The following DLG2 variants were observed in gnomAD, a reference collection of about 807,000 sequenced individuals.
DLG2 encodes discs large MAGUK scaffold protein 2.
DLG2 carries 45 observed loss-of-function variants against 132.5 expected under a neutral mutation model. The ratio of observed to expected loss-of-function variants is 0.34; its 90% CI spans 0.27 to 0.44. DLG2 has a LOEUF of 0.44. Ranked by LOEUF, DLG2 falls within the 20% of genes least tolerant of loss-of-function variation. The pLI, the probability that DLG2 is intolerant of heterozygous loss-of-function variation, is 1.00. For missense variants in DLG2, 1,045 were observed against 1,196.9 expected, an observed-to-expected ratio of 0.87 and a Z score of 1.87; for synonymous variants, 424 against 419.6, an observed-to-expected ratio of 1.01 and a Z score of -0.13.
intron 6 of DLG2, among the ~76,000 whole-genome samples, chr11:84,593,464 T>TA (rs1481265083): frequency 1.3e-5 from 2 of 152,044 alleles, no homozygotes; most frequent in Admixed American, 6.6e-5. Context: ...TATGCAGCCA[T>TA]AAAAAAGGAT....
chr11:84,391,153 T>G (rs1488447027), intron 7 of DLG2, among the ~76,000 whole-genome samples: 1 of 152,176 alleles, frequency 6.6e-6, no homozygotes, highest in Non-Finnish European at 1.5e-5. Context: ...GAAACCCAAA[T>G]ACTCATCAGT....
At chr11:84,026,949 T>G (rs1017156913) in intron 11 of DLG2, among the ~76,000 whole-genome samples, 1 of 152,170 alleles carries the variant, frequency 6.6e-6, no homozygotes, top group African/African-American at 2.4e-5. Flanking sequence ...TTATTATTTC[T>G]ATTATATTCC....
chr11:84,277,182 C>A (rs753782796), intron 7 of DLG2, among the ~76,000 whole-genome samples: 1 of 152,118 alleles, frequency 6.6e-6, no homozygotes, highest in Non-Finnish European at 1.5e-5. Flanking sequence ...AATAGAAAAT[C>A]TGTAAAGATA....
chr11:84,080,714 G>C (rs1423703969), intron 10 of DLG2, among the ~76,000 whole-genome samples: 1 of 152,094 alleles, frequency 6.6e-6, no homozygotes, highest in Non-Finnish European at 1.5e-5. Context: ...GCTTTGGGCT[G>C]GGCACAGTGG....
chr11:84,647,082 CTA>C (rs2099675872), intron 6 of DLG2, among the ~76,000 whole-genome samples: 1 of 151,862 alleles, frequency 6.6e-6, no homozygotes, highest in African/African-American at 2.4e-5. Context: ...AATATATTAT[CTA>C]AATCTATTGG....
chr11:85,622,699 C>T (rs1026647408), intron 2 of DLG2, among the ~76,000 whole-genome samples: 1 of 151,256 alleles, frequency 6.6e-6, no homozygotes, highest in Non-Finnish European at 1.5e-5. Flanking sequence ...AATTTAAGAA[C>T]TGTGAGTCCA....
chr11:83,595,248 A>G (rs1212449868), intron 19 of DLG2, among the ~76,000 whole-genome samples: 1 of 152,196 alleles, frequency 6.6e-6, no homozygotes, highest in Non-Finnish European at 1.5e-5. Flanking sequence ...GGTTTCAACT[A>G]TTAATGAAGG....
chr11:84,617,336 A>G (rs181984532), intron 6 of DLG2, among the ~76,000 whole-genome samples: 1 of 152,310 alleles, frequency 6.6e-6, no homozygotes, highest in African/African-American at 2.4e-5. Context: ...ATGGCCACAT[A>G]GTATTCCACG....
intron 3 of DLG2, among the ~76,000 whole-genome samples, chr11:85,332,289 C>T (rs2081814742): frequency 6.6e-6 from 1 of 152,044 alleles, no homozygotes; most frequent in East Asian, 1.9e-4. Context: ...TGTTGATGTT[C>T]TTTGCCCATT....
At chr11:83,781,134 T>C (rs2094805436) in intron 18 of DLG2, among the ~76,000 whole-genome samples, 1 of 152,206 alleles carries the variant, frequency 6.6e-6, no homozygotes, top group South Asian at 2.1e-4. Context: ...ATTTCTTCCT[T>C]CAGATGCCTG....
At chr11:83,954,850 A>C (rs948515644) in intron 14 of DLG2, among the ~76,000 whole-genome samples, 4 of 152,190 alleles carry the variant, frequency 2.6e-5, no homozygotes, top group African/African-American at 9.6e-5. Flanking sequence ...TTAGATATTC[A>C]TTGTAGTCAT....
chr11:85,484,372 G>A (rs1342325555), intron 3 of DLG2, among the ~76,000 whole-genome samples: 1 of 151,032 alleles, frequency 6.6e-6, no homozygotes, highest in Non-Finnish European at 1.5e-5. Flanking sequence ...AAACTAAAGA[G>A]CTTCTGCACA....
intron 6 of DLG2, among the ~76,000 whole-genome samples, chr11:84,724,250 T>C (rs1016487550): frequency 6.6e-6 from 1 of 152,182 alleles, no homozygotes; most frequent in African/African-American, 2.4e-5. Flanking sequence ...CTTCCAATGT[T>C]GAAGTTCTCT....
At chr11:83,602,793 A>C (rs1228077012) in intron 19 of DLG2, among the ~76,000 whole-genome samples, 1 of 152,242 alleles carries the variant, frequency 6.6e-6, no homozygotes, top group African/African-American at 2.4e-5. Flanking sequence ...GGAAATGGTG[A>C]CAAGGATGTG....
intron 6 of DLG2, among the ~76,000 whole-genome samples, chr11:84,651,324 C>G (rs1021325052): frequency 8.5e-5 from 13 of 152,076 alleles, no homozygotes; most frequent in African/African-American, 3.1e-4. Flanking sequence ...CACTCCATAT[C>G]GTCTTAGAAA....
intron 7 of DLG2, among the ~76,000 whole-genome samples, chr11:84,523,346 C>T (rs1446628286): frequency 6.6e-6 from 1 of 152,110 alleles, no homozygotes; most frequent in African/African-American, 2.4e-5. Context: ...TACTAATAGA[C>T]ACAGCTAGAA....
At chr11:84,058,927 T>C (rs1439057125) in intron 11 of DLG2, among the ~76,000 whole-genome samples, 3 of 152,040 alleles carry the variant, frequency 2.0e-5, no homozygotes, top group Admixed American at 6.6e-5. Context: ...ATAATTGTTA[T>C]ATTAGTACAG....
chr11:83,776,105 T>TA lies in DLG2; in HGVS notation c.1825+10584dup, dbSNP rs34550507. On this transcript the variant is annotated intron_variant, in intron 18 of 27. Transcript: ENST00000376104. ...AGACTCTGTCTCAAAAATAAATAAA[T>TA]AAATAAAATAAATAAATAAATAAAG... 3.9e-3 allele frequency among the ~76,000 whole-genome samples: 580 copies of TA among 148,946 alleles called. 3 individuals carry two copies. Among genetic ancestry groups the TA allele is most frequent in the African/African-American group, 0.013 (506 of 40,254 alleles).
intron 10 of DLG2, among the ~76,000 whole-genome samples, chr11:84,067,006 C>A (rs965428936): frequency 3.9e-5 from 6 of 152,064 alleles, no homozygotes; most frequent in Non-Finnish European, 8.8e-5. Context: ...TTTTAAAAAA[C>A]CACTAGCTAA....
Sources: allele counts gnomAD v4.1 joint callset (sites outside exome capture counted in the v4.1 genomes callset), GRCh38; gene constraint gnomAD v4.1.1; transcripts MANE v1.5; gene names NCBI Gene and HGNC (gene_info 2026-07-23, HGNC 2026-07-21).